Variants in SLC14A2 observed in about 807,000 individuals in gnomAD.
SLC14A2 encodes the protein solute carrier family 14 member 2, also known as urea transporter 2.
A neutral mutation model predicts 104.6 loss-of-function variants in SLC14A2; 91 were observed. The ratio of observed to expected loss-of-function variants is 0.87; its 90% confidence interval spans 0.73 to 1.04. The LOEUF is 1.04. Among genes scored for constraint, SLC14A2 ranks in the 50% least tolerant of loss-of-function variants. SLC14A2 has a pLI of 0.00. For synonymous variants in SLC14A2, 476 were observed against 466.4 expected (o/e 1.02, Z -0.27); for missense variants, 1,189 against 1,156.0 (o/e 1.03, Z -0.41).
At chr18:45,217,937 CAG>C (rs1309768519) in intron 1 of SLC14A2, among the ~76,000 whole-genome samples, 4 of 152,202 alleles carry the variant, frequency 2.6e-5, no homozygotes, top group African/African-American at 9.6e-5. Context: ...ACCAGTTATT[CAG>C]AGTCTCCTTT....
chr18:45,566,933 A>T (rs1172803653), intron 2 of SLC14A2, among the ~76,000 whole-genome samples: 1 of 152,186 alleles, frequency 6.6e-6, no homozygotes, highest in Non-Finnish European at 1.5e-5. Flanking sequence ...GTAACAACTA[A>T]AAGTTTCTGC....
chr18:45,290,817 A>G (rs558993305), intron 1 of SLC14A2, among the ~76,000 whole-genome samples: 2 of 152,192 alleles, frequency 1.3e-5, no homozygotes. Flanking sequence ...TTAAAATTTC[A>G]TATGTGGGTT....
intron 1 of SLC14A2, among the ~76,000 whole-genome samples, chr18:45,327,041 T>G (rs537124571): frequency 8.4e-4 from 128 of 152,080 alleles, no homozygotes; most frequent in Admixed American, 1.5e-3. Context: ...CATCCATCCA[T>G]CCAGCCAGCC....
intron 2 of SLC14A2, among the ~76,000 whole-genome samples, chr18:45,555,072 A>G (rs2044112759): frequency 6.6e-6 from 1 of 152,232 alleles, no homozygotes; most frequent in African/African-American, 2.4e-5. Context: ...TTTGTTGACT[A>G]GAACCAAATT....
At chr18:45,475,296 T>C (rs767538492) in intron 1 of SLC14A2, among the ~76,000 whole-genome samples, 1 of 152,198 alleles carries the variant, frequency 6.6e-6, no homozygotes, top group Non-Finnish European at 1.5e-5. Flanking sequence ...TCCAATTATG[T>C]GGTCAATTTT....
chr18:45,252,969 A>G (rs1378637509), intron 1 of SLC14A2, among the ~76,000 whole-genome samples: 1 of 152,172 alleles, frequency 6.6e-6, no homozygotes, highest in African/African-American at 2.4e-5. Flanking sequence ...ACATAAGGAC[A>G]GCTATTCAAA....
Position 45,667,980 on chromosome 18 carries a change from C to T in SLC14A2, c.1865C>T (p.Thr622Ile). ...PWWAISGCLG[T>I]IMSTLTALIL... ...TGGGCGATCTCAGGCTGCCTGGGTACCATCATGTCCACCTTGACAGCCCTC... is the reference window on the plus strand; with the variant it reads ...TGGGCGATCTCAGGCTGCCTGGGTATCATCATGTCCACCTTGACAGCCCTC... Residue 622 changes from threonine to isoleucine, a missense_variant, in exon 14 of 20, where the codon ACC (threonine) becomes ATC (isoleucine). Coordinates refer to ENST00000255226, the MANE Select transcript of SLC14A2 (RefSeq NM_007163.4). 3 of 1,614,128 alleles carry T rather than the reference C, an allele frequency of 1.9e-6. No homozygotes were observed. The highest frequency in any genetic ancestry group is 1.1e-5 in the South Asian group (1 of 91,086).
At chr18:45,515,305 G>T (rs1185232472) in intron 2 of SLC14A2, 1 of 152,216 alleles carries the variant, frequency 6.6e-6, no homozygotes, top group Non-Finnish European at 1.5e-5. Flanking sequence ...ATTTTAAGGA[G>T]CAATGATTAT....
chr18:45,642,381 G>T (rs1361135223), intron 8 of SLC14A2, among the ~76,000 whole-genome samples: 1 of 152,188 alleles, frequency 6.6e-6, no homozygotes, highest in African/African-American at 2.4e-5. Context: ...ACTGCTTTTG[G>T]CCTTCAGAGA....
intron 10 of SLC14A2, among the ~76,000 whole-genome samples, chr18:45,656,463 T>C (rs969706488): frequency 1.3e-5 from 2 of 152,222 alleles, no homozygotes; most frequent in Non-Finnish European, 2.9e-5. Flanking sequence ...AGGGAGCATG[T>C]AGGTTATTGA....
At chr18:45,314,625 G>C (rs1169894210) in intron 1 of SLC14A2, among the ~76,000 whole-genome samples, 3 of 152,170 alleles carry the variant, frequency 2.0e-5, no homozygotes, top group Non-Finnish European at 4.4e-5. Flanking sequence ...ATGAAATAAG[G>C]GGTATCTGTC....
At chr18:45,571,994 C>A (rs1301896859) in intron 2 of SLC14A2, among the ~76,000 whole-genome samples, 2 of 152,136 alleles carry the variant, frequency 1.3e-5, no homozygotes, top group Non-Finnish European at 2.9e-5. Context: ...TAGACCCCAT[C>A]CTGGACCAAT....
chr18:45,169,535 G>T, the SLC14A2 span, among the ~76,000 whole-genome samples: 2 of 152,208 alleles, frequency 1.3e-5, no homozygotes, highest in Non-Finnish European at 2.9e-5. Flanking sequence ...TAATCACAGA[G>T]TCAGAGTTAC....
chr18:45,481,696 T>A (rs1377686302), intron 1 of SLC14A2, among the ~76,000 whole-genome samples: 1 of 152,212 alleles, frequency 6.6e-6, no homozygotes, highest in Non-Finnish European at 1.5e-5. Flanking sequence ...AACAGGATTT[T>A]CAAACTAGCC....
At position 45,343,012 on chromosome 18, in the gene SLC14A2, A is replaced by G. The variant is rs145460143; in HGVS notation, c.-125+129821A>G. 6.3e-3 allele frequency among the ~76,000 whole-genome samples: 957 copies of G among 152,282 alleles called. 8 individuals carry two copies. The highest frequency in any genetic ancestry group is 0.011 in the Non-Finnish European group (724 of 68,022). On this transcript the variant is annotated intron_variant, in intron 1 of 20. Coordinates refer to the SLC14A2 transcript ENST00000586448. The stretch of plus-strand genomic sequence containing the variant: ...TCCGAACCATTGTCCCTGTTCTCCA[A>G]AACCCTGATGAGTTGCCAAGACTAG...
chr18:45,308,869 A>G (rs995338791), intron 1 of SLC14A2, among the ~76,000 whole-genome samples: 1 of 152,200 alleles, frequency 6.6e-6, no homozygotes, highest in Non-Finnish European at 1.5e-5. Flanking sequence ...TCAGTTCTTG[A>G]CATCATTTGA....
chr18:45,594,612 G>A (rs2044696724), intron 2 of SLC14A2, among the ~76,000 whole-genome samples: 1 of 152,082 alleles, frequency 6.6e-6, no homozygotes. Context: ...GGCAGAGTGG[G>A]CACAGCCGTC....
chr18:45,666,642 T>G (rs2046029525), intron 12 of SLC14A2, among the ~76,000 whole-genome samples: 1 of 151,370 alleles, frequency 6.6e-6, no homozygotes, highest in African/African-American at 2.4e-5. Context: ...TTAATCTCAG[T>G]TCTACTGTTT....
chr18:45,532,376 T>C lies in SLC14A2; in HGVS notation c.-35+49054T>C, dbSNP rs543054947. Among the ~76,000 whole-genome samples, 10 of 152,302 alleles carry C rather than the reference T, an allele frequency of 6.6e-5. No individual in the cohort carries two copies. The South Asian group carries it at 1.9e-3, about 28-fold the overall frequency. ...TTTGTTTGTATCCTCTTTGATTTCA[T>C]TGAGCACTGGTTTGTAGTTCTCCTT... is the stretch of plus-strand genomic sequence containing the variant. On this transcript the variant is annotated intron_variant, in intron 2 of 20. Transcript: ENST00000586448.
Sources: gnomAD v4.1 joint callset for allele counts (sites outside exome capture counted in the v4.1 genomes callset) on GRCh38, gnomAD v4.1.1 for gene constraint, MANE v1.5 for transcripts, NCBI Gene and HGNC (gene_info 2026-07-23, HGNC 2026-07-21) for gene names.